Variants in UMODL1 observed in about 807,000 individuals in gnomAD.
UMODL1 encodes uromodulin like 1, also known as uromodulin-like 1.
In UMODL1, 128 loss-of-function variants were observed where a neutral mutation model predicts 136.3. The ratio of observed to expected loss-of-function variants is 0.94; its 90% confidence interval spans 0.81 to 1.09. UMODL1 has a LOEUF of 1.09. Ranked by LOEUF, UMODL1 falls within the 50% of genes least tolerant of loss-of-function variation. The pLI, the probability that UMODL1 is intolerant of heterozygous loss-of-function variation, is 0.00. For synonymous variants in UMODL1, 721 were observed against 720.0 expected (o/e 1.00, Z -0.02); for missense variants, 1,766 against 1,725.6 (o/e 1.02, Z -0.41).
Position 42,101,572 on chromosome 21 carries a change from C to A in UMODL1, c.1187-594C>A, listed in dbSNP as rs1418732283. The A allele has an allele frequency of 5.2e-5, 20 of 381,896 alleles. 1 individual carries two copies. Among genetic ancestry groups the A allele is most frequent in the South Asian group, 2.7e-4 (14 of 50,958 alleles). 23.7% of individuals were successfully genotyped at this position (381,896 alleles called of 1,614,324 possible). On this transcript the variant is annotated intron_variant, in intron 7 of 22. Coordinates refer to ENST00000408910, the MANE Select transcript of UMODL1 (RefSeq NM_001004416.3). ...TGTGCCCGCCGACGCTTGGGTTGTG[C>A]ATGCTGGGTTTCCTTTCAGTAATGA... is the stretch of plus-strand genomic sequence containing the variant.
At chr21:42,097,002 G>A (rs2066566343) in intron 6 of UMODL1, among the ~76,000 whole-genome samples, 1 of 152,146 alleles carries the variant, frequency 6.6e-6, no homozygotes, top group Admixed American at 6.5e-5. Flanking sequence ...TTGATTCCAG[G>A]GTTCTGGTGA....
rs1569144613 is a variant in UMODL1 at position 42,084,100 on chromosome 21, G to A, written c.336G>A (p.Gly112=). Residue 112 remains glycine (G), a synonymous_variant, in exon 3 of 23, where the codon GGG becomes GGA. Coordinates refer to ENST00000408910, the MANE Select transcript of UMODL1 (RefSeq NM_001004416.3). ...LYCVLPLNQS[G]QFTSRPGACP... is the part of the protein sequence containing the mutation. ...TTCTCCCAGCCCTGAATCAGTCCGG[G>A]CAGTTCACGTCAAGACCTGGGGCCT... 1.2e-6 allele frequency: 2 copies of A among 1,614,068 alleles called. No individual in the cohort carries two copies. The highest frequency in any genetic ancestry group is 1.7e-4 in the Middle Eastern group (1 of 6,058).
Position 42,119,209 on chromosome 21 carries a change from G to T in UMODL1, c.2574G>T (p.Glu858Asp), listed in dbSNP as rs1312543249. 6.2e-7 allele frequency: 1 copy of T among 1,614,130 alleles called. No homozygotes were observed. The change falls in exon 15 of 23, where the codon GAG (glutamate) becomes GAT (aspartate). Residue 858 changes from glutamate to aspartate, a missense_variant. Coordinates refer to ENST00000408910, the MANE Select transcript of UMODL1 (RefSeq NM_001004416.3). ...VSVTNGSIVV[E>D]FHLLIIADVD... ...TCACCAACGGCAGCATCGTGGTGGA[G>T]TTTCACTTGCTGATAATCGCAGATG...
Position 42,131,967 on chromosome 21 carries a change from T to G in UMODL1, c.3775+2170T>G, listed in dbSNP as rs76541019. Reference sequence around the variant, plus strand: ...AATGTGTTCTTTCATGAATAGAAATTAAACTTCCTCCTTCATTCATTGATA... The same window carrying G: ...AATGTGTTCTTTCATGAATAGAAATGAAACTTCCTCCTTCATTCATTGATA... On this transcript the variant is annotated intron_variant, in intron 21 of 22. Coordinates refer to ENST00000408910, the MANE Select transcript of UMODL1 (RefSeq NM_001004416.3). Among the ~76,000 whole-genome samples, 149 of 152,344 alleles carry G rather than the reference T, an allele frequency of 9.8e-4. 2 individuals are homozygous for G. In the East Asian group the frequency reaches 0.028, roughly 29 times the overall value.
At chr21:42,136,716 T>C (rs2067209092) in intron 21 of UMODL1, among the ~76,000 whole-genome samples, 1 of 131,006 alleles carries the variant, frequency 7.6e-6, no homozygotes, top group Non-Finnish European at 1.7e-5. Flanking sequence ...GCACTCTGTT[T>C]TTCTTTTTTT....
chr21:42,093,222 T>TG (rs1374653844), intron 6 of UMODL1, among the ~76,000 whole-genome samples: 1 of 46,482 alleles, frequency 2.2e-5, no homozygotes, highest in Admixed American at 2.4e-4. Context: ...TTATTGTTTG[T>TG]TTTTTATAGA....
intron 12 of UMODL1, chr21:42,113,222 C>G: frequency 5.3e-6 from 1 of 189,982 alleles, no homozygotes; most frequent in Non-Finnish European, 1.1e-5. Flanking sequence ...GGTAAATCCA[C>G]CCAGGGGTCA....
In UMODL1 at chr21:42,119,227, C is replaced by A; in HGVS notation, c.2592C>A (p.Ile864=). The change falls in exon 15 of 23, where the codon ATC becomes ATA. Residue 864 remains isoleucine, a synonymous_variant. Coordinates refer to ENST00000408910, the MANE Select transcript of UMODL1 (RefSeq NM_001004416.3). Reference sequence around the variant, plus strand: ...TGGTGGAGTTTCACTTGCTGATAATCGCAGATGTGGATGTCCAGGAGGTGT... The same window carrying A: ...TGGTGGAGTTTCACTTGCTGATAATAGCAGATGTGGATGTCCAGGAGGTGT... ...SIVVEFHLLI[I]ADVDVQEVSA... 1.9e-6 allele frequency: 3 copies of A among 1,614,218 alleles called. No individual in the cohort carries two copies. The highest frequency in any genetic ancestry group is 2.5e-6 in the Non-Finnish European group (3 of 1,180,032).
intron 21 of UMODL1, among the ~76,000 whole-genome samples, chr21:42,135,515 G>T (rs1171803827): frequency 6.6e-6 from 1 of 152,190 alleles, no homozygotes; most frequent in Non-Finnish European, 1.5e-5. Context: ...GGGCTGCAAA[G>T]GGCCAGCAGG....
chr21:42,090,538 A>C (rs557597500), intron 6 of UMODL1, 100 bp downstream of exon 6: 745 of 1,423,286 alleles, frequency 5.2e-4, no homozygotes, highest in Non-Finnish European at 6.5e-4. Context: ...ATTCACCCCG[A>C]GATAACTCTG....
At chr21:42,071,513 G>C in intron 1 of UMODL1, 121 bp downstream of exon 1, 3 of 1,026,282 alleles carry the variant, frequency 2.9e-6, no homozygotes, top group Admixed American at 4.1e-5. Context: ...TTGGAGAGGC[G>C]ACATCTGTTC....
In UMODL1 at chr21:42,119,111, G is replaced by C. The variant is rs199781181; in HGVS notation, c.2476G>C (p.Val826Leu). 3.5e-5 allele frequency: 57 copies of C among 1,611,878 alleles called. No homozygotes were observed. In the African/African-American group the frequency reaches 5.5e-4, roughly 15 times the overall value. The change falls in exon 15 of 23, where the codon GTG becomes CTG. Residue 826 changes from valine (V) to leucine (L), a missense_variant and splice_region_variant. Physicochemically the swap from Val to Leu is conservative, Grantham distance 32. Transcript: ENST00000408910. ...RDFLELFFRM[V>L]RGSLPATMCQ... is the part of the protein sequence containing the mutation. ...CCTCACATGGCCTCTTTCCCCGCAG[G>C]TGCGGGGCTCCCTGCCAGCCACCAT... is the stretch of plus-strand genomic sequence containing the variant.
chr21:42,075,556 C>T (rs989314751), intron 1 of UMODL1, among the ~76,000 whole-genome samples: 1 of 152,212 alleles, frequency 6.6e-6, no homozygotes, highest in Non-Finnish European at 1.5e-5. Context: ...CATGTGGCAA[C>T]CTTGAGGCTC....
chr21:42,099,590 C>A lies in UMODL1; in HGVS notation c.1186+410C>A, dbSNP rs1051221022. Among the ~76,000 whole-genome samples the A allele has an allele frequency of 6.6e-6, 1 of 152,208 alleles. No homozygotes were observed. The highest frequency in any genetic ancestry group is 1.9e-4 in the East Asian group (1 of 5,192). On this transcript the variant is annotated intron_variant, in intron 7 of 22. Coordinates refer to ENST00000408910, the MANE Select transcript of UMODL1 (RefSeq NM_001004416.3). The surrounding 1 kb of genome is among the most constrained non-coding windows in gnomAD (Gnocchi z 4.1). ...ACTGAGGCCGTCTAAGTTCCCTCCC[C>A]GAGAGGGGAGCATCGCTGACGTTTT... is the stretch of plus-strand genomic sequence containing the variant.
intron 6 of UMODL1, among the ~76,000 whole-genome samples, chr21:42,095,201 C>T (rs1002375665): frequency 6.9e-6 from 1 of 145,562 alleles, no homozygotes; most frequent in Admixed American, 7.1e-5. Flanking sequence ...TTCAATTAAT[C>T]CTCCTAGCTC....
chr21:42,139,408 G>A (rs985379869), intron 22 of UMODL1, among the ~76,000 whole-genome samples: 1 of 152,128 alleles, frequency 6.6e-6, no homozygotes. Flanking sequence ...GAGCTCTATC[G>A]TGAGACAGCA....
chr21:42,094,945 G>T (rs1013786107), intron 6 of UMODL1, among the ~76,000 whole-genome samples: 1 of 152,048 alleles, frequency 6.6e-6, no homozygotes, highest in African/African-American at 2.4e-5. Flanking sequence ...ATTTGAAATA[G>T]TTACCACTGG....
Position 42,085,374 on chromosome 21 carries a change from C to T in UMODL1, c.565C>T (p.Pro189Ser). Residue 189 changes from proline to serine, a missense_variant, in exon 4 of 23, where the codon CCC (proline) becomes TCC (serine). Transcript: ENST00000408910. The surrounding 1 kb of genome is among the most constrained non-coding windows in gnomAD (Gnocchi z 4.5). The stretch of plus-strand genomic sequence containing the variant: ...CTTCAAGGAACTCCAGCAAGTGGAC[C>T]CCAGGCTCCTGAACCACATGCGCCT... ...MDFKELQQVD[P>S]RLLNHMRLLH... 2.5e-6 allele frequency: 4 copies of T among 1,614,044 alleles called. No individual in the cohort carries two copies. The highest frequency in any genetic ancestry group is 3.4e-6 in the Non-Finnish European group (4 of 1,179,994).
chr21:42,086,275 C>T (rs535669035), intron 4 of UMODL1, among the ~76,000 whole-genome samples: 5 of 152,330 alleles, frequency 3.3e-5, no homozygotes, highest in East Asian at 1.9e-4. Context: ...CAAGGGGCCC[C>T]GCATTTTCCT....
Sources: gnomAD v4.1 joint callset for allele counts (sites outside exome capture counted in the v4.1 genomes callset) on GRCh38, gnomAD v4.1.1 for gene constraint, Gnocchi (gnomAD v3.1) non-coding constraint, MANE v1.5 for transcripts, NCBI Gene and HGNC (gene_info 2026-07-23, HGNC 2026-07-21) for gene names.